The following SLC25A26 variants were observed in gnomAD, a reference collection of about 807,000 sequenced individuals.
The protein encoded by SLC25A26 is solute carrier family 25 member 26.
Under a neutral mutation model 37.8 loss-of-function variants are expected in SLC25A26, and 36 were observed. The ratio of observed to expected loss-of-function variants is 0.95; its 90% confidence interval spans 0.73 to 1.26. The LOEUF (loss-of-function observed/expected upper bound fraction) is 1.26, where lower values mean the gene tolerates loss of function less well. Among genes scored for constraint, SLC25A26 ranks in the 50% most tolerant of loss-of-function variants. SLC25A26 has a pLI of 0.00. For synonymous variants in SLC25A26, 129 were observed against 122.5 expected, an observed-to-expected ratio of 1.05 and a Z score of -0.35; for missense variants, 390 against 331.1, an observed-to-expected ratio of 1.18 and a Z score of -1.38.
chr3:66,255,121 A>G (rs2107225733), intron 3 of SLC25A26, among the ~76,000 whole-genome samples: 1 of 152,272 alleles, frequency 6.6e-6, no homozygotes, highest in South Asian at 2.1e-4. Flanking sequence ...GTTTAGTTTT[A>G]TGATTTGTAG....
intron 1 of SLC25A26, among the ~76,000 whole-genome samples, chr3:66,193,276 C>T (rs2070980461): frequency 6.6e-6 from 1 of 151,834 alleles, no homozygotes; most frequent in Non-Finnish European, 1.5e-5. Flanking sequence ...AATAATATAC[C>T]AAAAGAATAA....
intron 1 of SLC25A26, among the ~76,000 whole-genome samples, chr3:66,171,357 C>T (rs1440510934): frequency 2.0e-5 from 3 of 152,144 alleles, no homozygotes; most frequent in African/African-American, 7.2e-5. Flanking sequence ...GCTGGCTGCT[C>T]GTTCTAGTCG....
At chr3:66,236,742 T>C (rs782728486) in intron 2 of SLC25A26, 42 bp downstream of exon 2, 44 of 1,437,552 alleles carry the variant, frequency 3.1e-5, no homozygotes, top group Non-Finnish European at 4.0e-5. Flanking sequence ...CAAGATAAGA[T>C]GGGATTTTCA....
chr3:66,190,537 T>G (rs912329236), intron 1 of SLC25A26, among the ~76,000 whole-genome samples: 1 of 152,178 alleles, frequency 6.6e-6, no homozygotes, highest in Non-Finnish European at 1.5e-5. Flanking sequence ...CCAGTGATTT[T>G]CCTGCCTCAG....
At chr3:66,254,369 C>T (rs1313820514) in intron 3 of SLC25A26, among the ~76,000 whole-genome samples, 1 of 152,220 alleles carries the variant, frequency 6.6e-6, no homozygotes, top group East Asian at 1.9e-4. Context: ...AAATGAAATA[C>T]ACGTAAGCAA....
chr3:66,148,579 A>T (rs2070153342), intron 1 of SLC25A26, among the ~76,000 whole-genome samples: 1 of 152,230 alleles, frequency 6.6e-6, no homozygotes, highest in South Asian at 2.1e-4. Flanking sequence ...GCAAAGGACA[A>T]TGAATGTGTT....
intron 3 of SLC25A26, among the ~76,000 whole-genome samples, chr3:66,255,354 TTTTA>T (rs1245629293): frequency 6.6e-6 from 1 of 152,140 alleles, no homozygotes; most frequent in Non-Finnish European, 1.5e-5. Flanking sequence ...ACAGAAAATA[TTTTA>T]TTTATGCCAA....
In SLC25A26 at chr3:66,263,380, G is replaced by A. The variant is rs2073609492; in HGVS notation, c.453+1G>A. ...CTATAAAAGCACAGTTTTAAGAGAG[G>A]TAAGTCACTTACTTTCCAATATTGA... is the stretch of plus-strand genomic sequence containing the variant. On this transcript the variant is annotated splice_donor_variant, in intron 5 of 9. Transcript: ENST00000354883. LOFTEE classifies it high-confidence loss of function. 10 of 1,601,154 alleles carry A rather than the reference G, an allele frequency of 6.2e-6. No homozygotes were observed. Among genetic ancestry groups the A allele is most frequent in the Non-Finnish European group, 7.7e-6 (9 of 1,169,466 alleles).
intron 9 of SLC25A26, among the ~76,000 whole-genome samples, chr3:66,375,456 C>A (rs1252788083): frequency 6.6e-6 from 1 of 152,196 alleles, no homozygotes; most frequent in Non-Finnish European, 1.5e-5. Flanking sequence ...CAATGCCTGG[C>A]CTCAAAGCTT....
intron 2 of SLC25A26, among the ~76,000 whole-genome samples, chr3:66,240,787 C>T (rs1439103393): frequency 6.8e-6 from 1 of 147,600 alleles, no homozygotes; most frequent in Non-Finnish European, 1.5e-5. Flanking sequence ...ACTCTTTCAC[C>T]CAGGCTGGAG....
intron 1 of SLC25A26, among the ~76,000 whole-genome samples, chr3:66,201,902 G>A (rs988580003): frequency 8.3e-4 from 126 of 152,046 alleles, no homozygotes; most frequent in Non-Finnish European, 1.2e-3. Flanking sequence ...GCAATATAGA[G>A]TACTTTACGC....
intron 1 of SLC25A26, among the ~76,000 whole-genome samples, chr3:66,169,442 G>A (rs1337799980): frequency 2.6e-5 from 4 of 152,246 alleles, no homozygotes; most frequent in African/African-American, 7.2e-5. Context: ...TGTTGACTCC[G>A]TCCCCTCACT....
chr3:66,378,829 C>G lies in SLC25A26; in HGVS notation c.*1022C>G, dbSNP rs1268328904. The G allele has an allele frequency of 6.6e-6, 1 of 152,510 alleles. No homozygotes were observed. Among genetic ancestry groups the G allele is most frequent in the Non-Finnish European group, 1.5e-5 (1 of 67,986 alleles). 9.4% of individuals were successfully genotyped at this position (152,510 alleles called of 1,614,324 possible). A position where few individuals can be genotyped will look rare whatever the true frequency, so the allele number is the denominator to read the frequency against. On this transcript the variant is annotated 3_prime_UTR_variant, in exon 10 of 10. Transcript: ENST00000354883. ...TATAAATGAACCTTTATTAAAGACACTTCAATGCCATTTGTTAGACACTTC... is the reference window on the plus strand; with the variant it reads ...TATAAATGAACCTTTATTAAAGACAGTTCAATGCCATTTGTTAGACACTTC...
intron 1 of SLC25A26, among the ~76,000 whole-genome samples, chr3:66,134,808 A>G (rs1327623281): frequency 6.6e-6 from 1 of 150,756 alleles, no homozygotes; most frequent in African/African-American, 2.5e-5. Context: ...ATCCTTTGTC[A>G]ATATTTCTTT....
intron 1 of SLC25A26, among the ~76,000 whole-genome samples, chr3:66,153,336 T>A (rs1441384090): frequency 6.6e-6 from 1 of 152,212 alleles, no homozygotes; most frequent in Non-Finnish European, 1.5e-5. Context: ...CAGTTATTTA[T>A]GTGCAATGTA....
chr3:66,152,193 T>TC (rs1490209251), intron 1 of SLC25A26, among the ~76,000 whole-genome samples: 1 of 152,200 alleles, frequency 6.6e-6, no homozygotes, highest in East Asian at 1.9e-4. Flanking sequence ...ATTCAGTAGA[T>TC]CTGGAGAGGA....
At chr3:66,305,611 C>T (rs2075196556) in intron 5 of SLC25A26, among the ~76,000 whole-genome samples, 1 of 152,058 alleles carries the variant, frequency 6.6e-6, no homozygotes, top group South Asian at 2.1e-4. Context: ...GCTCCCCTTC[C>T]CCCCACCCCA....
At chr3:66,294,444 A>G (rs2074827749) in intron 5 of SLC25A26, among the ~76,000 whole-genome samples, 1 of 152,178 alleles carries the variant, frequency 6.6e-6, no homozygotes, top group African/African-American at 2.4e-5. Flanking sequence ...TTCTAGATAT[A>G]TGATCATGTC....
At chr3:66,261,971 T>A (rs1207137155) in intron 3 of SLC25A26, 80 bp from the exon 4 acceptor site, 1 of 778,936 alleles carries the variant, frequency 1.3e-6, no homozygotes, top group African/African-American at 1.8e-5. Flanking sequence ...ACCTTTTTAC[T>A]ACAATTTTTG....
Sources: gnomAD v4.1 joint callset for allele counts (sites outside exome capture counted in the v4.1 genomes callset) on GRCh38, gnomAD v4.1.1 for gene constraint, MANE v1.5 for transcripts, NCBI Gene and HGNC (gene_info 2026-07-23, HGNC 2026-07-21) for gene names.